The following NME7 variants were observed in gnomAD, a reference collection of about 807,000 sequenced individuals.
NME7 encodes nucleoside diphosphate kinase 7.
NME7 carries 41 observed loss-of-function variants against 49.1 expected under a neutral mutation model. The ratio of observed to expected loss-of-function variants is 0.83; its 90% CI spans 0.65 to 1.08. The LOEUF (loss-of-function observed/expected upper bound fraction) is 1.08. NME7 is among the 50% of genes least tolerant of loss of function. The pLI, the probability that NME7 is intolerant of heterozygous loss-of-function variation, is 0.00. For synonymous variants in NME7, 139 were observed against 150.6 expected (o/e 0.92, Z 0.56); for missense variants, 423 against 463.4 (o/e 0.91, Z 0.80).
intron 6 of NME7, 65 bp from the exon 7 acceptor site, chr1:169,287,473 T>G (rs1182572400): frequency 8.8e-7 from 1 of 1,130,674 alleles, no homozygotes; most frequent in Non-Finnish European, 1.2e-6. Flanking sequence ...AAGATATTTC[T>G]GTGGGGGAGG....
chr1:169,316,446 T>C (rs1651630170), intron 3 of NME7, among the ~76,000 whole-genome samples: 1 of 152,166 alleles, frequency 6.6e-6, no homozygotes, highest in Non-Finnish European at 1.5e-5. Context: ...GTAGGCAGAA[T>C]AACACTACCC....
intron 7 of NME7, among the ~76,000 whole-genome samples, chr1:169,253,599 G>A (rs1477809715): frequency 2.0e-5 from 3 of 152,178 alleles, no homozygotes; most frequent in Non-Finnish European, 2.9e-5. Flanking sequence ...CAAACACTAT[G>A]TTGAATAGGA....
At chr1:169,305,711 A>G (rs554083809) in intron 4 of NME7, among the ~76,000 whole-genome samples, 1 of 152,288 alleles carries the variant, frequency 6.6e-6, no homozygotes, top group African/African-American at 2.4e-5. Context: ...CTCAGTTGTG[A>G]TGCCACCCTC....
rs181831793 is a variant in NME7 at position 169,324,544 on chromosome 1, A to G, written c.4-44T>C. On this transcript the variant is annotated intron_variant, in intron 1 of 11. Coordinates refer to ENST00000367811, the MANE Select transcript of NME7 (RefSeq NM_013330.5). Reference sequence around the variant, plus strand: ...GAATTTTAACACTAACATATAAAGAACAAGCACTCTTCTGTAAGTCACACA... The same window carrying G: ...GAATTTTAACACTAACATATAAAGAGCAAGCACTCTTCTGTAAGTCACACA... 256 of 1,175,922 alleles carry G rather than the reference A, an allele frequency of 2.2e-4. 1 individual carries two copies. In the East Asian group the frequency reaches 2.5e-3, roughly 12 times the overall value. The allele number at this position is 1,175,922 out of a possible 1,614,324, so 72.8% of individuals were successfully genotyped here. A position where few individuals can be genotyped will look rare whatever the true frequency, so the allele number is the denominator to read the frequency against.
intron 7 of NME7, among the ~76,000 whole-genome samples, chr1:169,280,418 C>G (rs1649958036): frequency 2.0e-5 from 3 of 152,090 alleles, no homozygotes; most frequent in Admixed American, 6.5e-5. Context: ...CCTGTTCACT[C>G]TGATGATAGT....
chr1:169,327,645 G>A (rs924424834), intron 1 of NME7, among the ~76,000 whole-genome samples: 2 of 151,980 alleles, frequency 1.3e-5, no homozygotes, highest in Non-Finnish European at 2.9e-5. Flanking sequence ...GCATATATGT[G>A]TATATAAATA....
chr1:169,219,443 G>C (rs955394412), intron 10 of NME7, among the ~76,000 whole-genome samples: 1 of 152,120 alleles, frequency 6.6e-6, no homozygotes, highest in Admixed American at 6.6e-5. Context: ...TTATATAAGG[G>C]ACTTAACTAT....
intron 10 of NME7, among the ~76,000 whole-genome samples, chr1:169,225,769 C>T (rs1054387372): frequency 3.9e-5 from 6 of 152,088 alleles, no homozygotes; most frequent in African/African-American, 1.2e-4. Flanking sequence ...TTTGTTAATA[C>T]ATAATGAGCA....
intron 11 of NME7, among the ~76,000 whole-genome samples, chr1:169,135,601 G>T (rs1553238170): frequency 6.6e-6 from 1 of 152,018 alleles, no homozygotes; most frequent in Non-Finnish European, 1.5e-5. Flanking sequence ...TTAAGAGGGG[G>T]CTACTGTTAA....
chr1:169,224,997 T>TA lies in NME7; in HGVS notation c.990+5720dup, dbSNP rs909598467. 2.4e-4 allele frequency among the ~76,000 whole-genome samples: 36 copies of TA among 152,296 alleles called. 1 individual carries two copies. The highest frequency in any genetic ancestry group is 6.2e-4 in the South Asian group (3 of 4,828). The stretch of plus-strand genomic sequence containing the variant: ...CTCAGGTGCTTGGGCAAAGTTTCAA[T>TA]AGCTGAGGAAGTTTCTCTGTCAATA... On this transcript the variant is annotated intron_variant, in intron 10 of 11. Transcript: ENST00000367811.
chr1:169,150,964 C>A (rs2101821436), intron 11 of NME7, among the ~76,000 whole-genome samples: 1 of 152,184 alleles, frequency 6.6e-6, no homozygotes, highest in East Asian at 1.9e-4. Flanking sequence ...ACATACTTTT[C>A]ATGTGTCACA....
At chr1:169,306,005 T>G (rs762363820) in intron 4 of NME7, among the ~76,000 whole-genome samples, 40 of 152,214 alleles carry the variant, frequency 2.6e-4, no homozygotes, top group Non-Finnish European at 4.7e-4. Context: ...GGAATTAGTT[T>G]CCATGAGACA....
intron 10 of NME7, among the ~76,000 whole-genome samples, chr1:169,220,774 A>G (rs1294720850): frequency 6.6e-6 from 1 of 152,238 alleles, no homozygotes; most frequent in Non-Finnish European, 1.5e-5. Context: ...AATTATTTTT[A>G]CATTTGCTAA....
At chr1:169,216,512 T>C (rs537447391) in intron 10 of NME7, among the ~76,000 whole-genome samples, 1 of 152,384 alleles carries the variant, frequency 6.6e-6, no homozygotes, top group South Asian at 2.1e-4. Flanking sequence ...TGCATCTTTA[T>C]ATCCTTTGTA....
chr1:169,172,374 T>C (rs1201446676), intron 10 of NME7, among the ~76,000 whole-genome samples: 1 of 148,682 alleles, frequency 6.7e-6, no homozygotes, highest in Non-Finnish European at 1.5e-5. Flanking sequence ...GTGTGTACTC[T>C]TCCTTGTTTT....
chr1:169,312,523 TTTAAGA>T (rs1465848753), intron 3 of NME7, among the ~76,000 whole-genome samples: 1 of 152,206 alleles, frequency 6.6e-6, no homozygotes, highest in African/African-American at 2.4e-5. Flanking sequence ...AAAACCACTA[TTTAAGA>T]TTAAAACTTC....
intron 10 of NME7, among the ~76,000 whole-genome samples, chr1:169,198,102 G>GAT (rs1323194886): frequency 1.3e-5 from 2 of 151,976 alleles, no homozygotes; most frequent in Non-Finnish European, 1.5e-5. Flanking sequence ...CACATAAAAA[G>GAT]ATACTCGATA....
At chr1:169,311,512 C>G (rs377328501) in intron 3 of NME7, among the ~76,000 whole-genome samples, 1 of 150,710 alleles carries the variant, frequency 6.6e-6, no homozygotes, top group Admixed American at 6.6e-5. Context: ...AGAAATTGTT[C>G]ATCTTAGTGT....
Position 169,367,766 on chromosome 1 carries a change from C to T in NME7, c.-56G>A. ...TATCGTTGAGACAGGAAGACACCAC[C>T]ACCACCACCATCATACGGTTACTCA... On this transcript the variant is annotated 5_prime_UTR_variant, in exon 1 of 12. Coordinates refer to ENST00000367811, the MANE Select transcript of NME7 (RefSeq NM_013330.5). 1 of 1,610,160 alleles carries T rather than the reference C, an allele frequency of 6.2e-7. No homozygotes were observed. The highest frequency in any genetic ancestry group is 8.5e-7 in the Non-Finnish European group (1 of 1,176,700).
Sources: allele counts gnomAD v4.1 joint callset (sites outside exome capture counted in the v4.1 genomes callset), GRCh38; gene constraint gnomAD v4.1.1; transcripts MANE v1.5; gene names NCBI Gene and HGNC (gene_info 2026-07-23, HGNC 2026-07-21).